Variants in HOXB3 observed in about 807,000 individuals in gnomAD.
The protein encoded by HOXB3 is homeobox B3, also known as homeobox protein Hox-B3.
Under a neutral mutation model 29.2 loss-of-function variants are expected in HOXB3, and 17 were observed. That is an observed-to-expected ratio of 0.58 (90% confidence interval 0.40 to 0.87). The LOEUF (loss-of-function observed/expected upper bound fraction) is 0.87. Among genes scored for constraint, HOXB3 ranks in the 40% least tolerant of loss-of-function variants. The probability of loss-of-function intolerance (pLI) is 0.00; values close to 1 mark genes in which losing one functional copy is unlikely to be tolerated. For synonymous variants in HOXB3, 317 were observed against 285.9 expected (o/e 1.11, Z -1.10); for missense variants, 637 against 616.3 (o/e 1.03, Z -0.35).
At chr17:48,555,486 C>A (rs1453715885) in intron 3 of HOXB3, 45 bp downstream of exon 3, 2 of 702,442 alleles carry the variant, frequency 2.8e-6, no homozygotes, top group Non-Finnish European at 5.2e-6. Flanking sequence ...TTGAGACATA[C>A]TCTCCGCCAT....
At chr17:48,576,318 G>A (rs1278009731) in intron 1 of HOXB3, 1 of 158,568 alleles carries the variant, frequency 6.3e-6, no homozygotes, top group Non-Finnish European at 1.4e-5. Context: ...CTCCTCGGCA[G>A]AGGAAACAAG....
intron 1 of HOXB3, among the ~76,000 whole-genome samples, chr17:48,583,539 G>A (rs1238209143): frequency 6.6e-6 from 1 of 152,156 alleles, no homozygotes; most frequent in Non-Finnish European, 1.5e-5. Flanking sequence ...GACTGAAACA[G>A]GGCTCCAGCC....
At chr17:48,579,317 GTCGCCGCCTCCGCGGCGAATAGAAA>G (rs1175252025) in intron 1 of HOXB3, 1 of 152,264 alleles carries the variant, frequency 6.6e-6, no homozygotes, top group Admixed American at 6.5e-5. Context: ...CGTTCTAATT[GTCGCCGCCTCCGCGGCGAATAGAAA>G]TCTCACATCC....
At chr17:48,578,507 C>T in intron 1 of HOXB3, 1 of 661,304 alleles carries the variant, frequency 1.5e-6, no homozygotes, top group Non-Finnish European at 2.4e-6. Context: ...GGACCCCACT[C>T]CAGCCAAAGA....
intron 2 of HOXB3, among the ~76,000 whole-genome samples, chr17:48,562,567 C>T (rs1467604820): frequency 1.3e-5 from 2 of 152,156 alleles, no homozygotes; most frequent in African/African-American, 2.4e-5. Flanking sequence ...AACAATGCAG[C>T]GAGTTTGCAT....
At chr17:48,576,794 G>A (rs1303109042) in intron 1 of HOXB3, 1 of 1,614,248 alleles carries the variant, frequency 6.2e-7, no homozygotes. Context: ...CACCCGAGCG[G>A]ATCTTGGTGT....
chr17:48,563,531 T>G (rs1220994844), intron 2 of HOXB3, among the ~76,000 whole-genome samples: 1 of 152,186 alleles, frequency 6.6e-6, no homozygotes, highest in East Asian at 1.9e-4. Context: ...CACCACACTG[T>G]GCGCCTGCAA....
At position 48,555,341 on chromosome 17, in the gene HOXB3, AGAGAGAGAGAGAGAGAGAGAGAGGGAGG is replaced by A. The variant is rs1210985236; in HGVS notation, c.-159+162_-159+189del. The A allele has an allele frequency of 5.9e-5, 26 of 438,178 alleles. 1 individual carries two copies. The highest frequency in any genetic ancestry group is 3.9e-4 in the South Asian group (18 of 46,682). The allele number at this position is 438,178 out of a possible 1,614,324, so 27.1% of individuals were successfully genotyped here. A position where few individuals can be genotyped will look rare whatever the true frequency, so the allele number is the denominator to read the frequency against. On this transcript the variant is annotated intron_variant, in intron 3 of 4. Coordinates refer to ENST00000498678, the MANE Select transcript of HOXB3 (RefSeq NM_001384749.1). Reference sequence around the variant, plus strand: ...AGAGAGGGGAGAGAGAGAGGGAGAGAGAGAGAGAGAGAGAGAGAGAGAGGGAGGGAGGGAGGGAGGGAGGGAGGGAGAG... The same window carrying A: ...AGAGAGGGGAGAGAGAGAGGGAGAGAGAGGGAGGGAGGGAGGGAGGGAGAG...
chr17:48,551,029 C>T lies in HOXB3; in HGVS notation c.601G>A (p.Val201Met), dbSNP rs1408192422. 1 of 1,611,142 alleles carries T rather than the reference C, an allele frequency of 6.2e-7. No homozygotes were observed. The highest frequency in any genetic ancestry group is 8.5e-7 in the Non-Finnish European group (1 of 1,178,192). Reference sequence around the variant, plus strand: ...AAATGGAACTCCTTCTCCAGCTCCACCAGCTGCGCGCTCGTGTACGCCGTC... The same window carrying T: ...AAATGGAACTCCTTCTCCAGCTCCATCAGCTGCGCGCTCGTGTACGCCGTC... Reference protein sequence around the residue: ...ARTAYTSAQLVELEKEFHFNR... With the variant: ...ARTAYTSAQLMELEKEFHFNR... Residue 201 changes from valine (V) to methionine (M), a missense_variant, in exon 5 of 5, where the codon GTG (valine) becomes ATG (methionine). By Grantham distance (21) the Val-to-Met change is conservative. Coordinates refer to ENST00000498678, the MANE Select transcript of HOXB3 (RefSeq NM_001384749.1).
chr17:48,549,174 AAG>A lies in HOXB3; in HGVS notation c.*1158_*1159del, dbSNP rs755491330. ...CCTTTGTAACAGGTAAATACTAAAA[AAG>A]TACAATTTTTTCCTTTTTTTCCCTC... is the stretch of plus-strand genomic sequence containing the variant. On this transcript the variant is annotated 3_prime_UTR_variant, in exon 5 of 5. Transcript: ENST00000498678. The A allele has an allele frequency of 2.2e-4, 33 of 152,806 alleles. No homozygotes were observed. The highest frequency in any genetic ancestry group is 3.9e-4 in the Admixed American group (6 of 15,306). The allele number at this position is 152,806 out of a possible 1,614,324, so 9.5% of individuals were successfully genotyped here.
intron 1 of HOXB3, among the ~76,000 whole-genome samples, chr17:48,585,176 T>C (rs963387522): frequency 3.9e-5 from 6 of 152,084 alleles, no homozygotes; most frequent in African/African-American, 1.4e-4. Flanking sequence ...AAATAACTCC[T>C]TGGAAAAAGA....
At position 48,550,754 on chromosome 17, in the gene HOXB3, G is replaced by A. The variant is rs142861434; in HGVS notation, c.876C>T (p.Pro292=). ...CATTCTGGTGGGCTTTACCGAAGGC[G>A]GGTGGGGACGGGCTCTCGTAGCTGG... ...MTPSYESPSP[P]AFGKAHQNAY... Residue 292 remains proline (P), a synonymous_variant, in exon 5 of 5, where the codon CCC becomes CCT. Transcript: ENST00000498678. The A allele has an allele frequency of 1.3e-6, 2 of 1,594,780 alleles. No homozygotes were observed. The highest frequency in any genetic ancestry group is 1.7e-6 in the Non-Finnish European group (2 of 1,167,832).
intron 2 of HOXB3, among the ~76,000 whole-genome samples, chr17:48,566,573 G>A (rs999361143): frequency 2.6e-5 from 4 of 152,142 alleles, no homozygotes; most frequent in African/African-American, 7.2e-5. Flanking sequence ...AGTTGCAAAC[G>A]CAGGGGGAAG....
chr17:48,559,238 G>A (rs994710100), intron 2 of HOXB3, among the ~76,000 whole-genome samples: 9 of 152,090 alleles, frequency 5.9e-5, no homozygotes, highest in African/African-American at 2.2e-4. Flanking sequence ...TCGGCGGCGG[G>A]ATCGTGCCTG....
intron 2 of HOXB3, among the ~76,000 whole-genome samples, chr17:48,566,832 T>C (rs911620329): frequency 2.0e-5 from 3 of 152,190 alleles, no homozygotes; most frequent in Non-Finnish European, 4.4e-5. Context: ...TTCACAGTCA[T>C]ACCCCCCAAC....
At chr17:48,567,889 G>A (rs951609286) in intron 2 of HOXB3, among the ~76,000 whole-genome samples, 10 of 152,160 alleles carry the variant, frequency 6.6e-5, no homozygotes, top group African/African-American at 2.4e-4. Flanking sequence ...CAGGAGGGTG[G>A]GGAGCCAAAG....
chr17:48,584,124 T>G (rs1168754372), intron 1 of HOXB3, among the ~76,000 whole-genome samples: 1 of 152,184 alleles, frequency 6.6e-6, no homozygotes, highest in African/African-American at 2.4e-5. Context: ...ATGAGCTAAG[T>G]TTAATGTATG....
At chr17:48,556,288 A>T (rs900835445) in intron 2 of HOXB3, 1 of 153,176 alleles carries the variant, frequency 6.5e-6, no homozygotes, top group Non-Finnish European at 1.5e-5. Flanking sequence ...CTAATATGAG[A>T]AGTAGTATTT....
intron 1 of HOXB3, among the ~76,000 whole-genome samples, chr17:48,585,038 G>A (rs2070020463): frequency 1.3e-5 from 2 of 151,716 alleles, no homozygotes; most frequent in South Asian, 2.1e-4. Context: ...ACCACCCAGG[G>A]TCTCATTCTG....
Sources: allele counts gnomAD v4.1 joint callset (sites outside exome capture counted in the v4.1 genomes callset), GRCh38; gene constraint gnomAD v4.1.1; transcripts MANE v1.5; gene names NCBI Gene and HGNC (gene_info 2026-07-23, HGNC 2026-07-21).